TBC1D5: variants seen among roughly 807,000 people sequenced by gnomAD.
The protein encoded by TBC1D5 is TBC1 domain family member 5, also known as TBC1 domain family, member 5.
A neutral mutation model predicts 100.3 loss-of-function variants in TBC1D5; 75 were observed. That is an observed-to-expected ratio of 0.75 (90% CI 0.62 to 0.91). The LOEUF (loss-of-function observed/expected upper bound fraction) is 0.91. Ranked by LOEUF, TBC1D5 falls within the 40% of genes least tolerant of loss-of-function variation. The pLI is 0.00. For synonymous variants in TBC1D5, 323 were observed against 325.6 expected, an observed-to-expected ratio of 0.99 and a Z score of 0.09; for missense variants, 910 against 942.4, an observed-to-expected ratio of 0.97 and a Z score of 0.45.
intron 4 of TBC1D5, among the ~76,000 whole-genome samples, chr3:17,419,343 CTT>C (rs1165588490): frequency 1.3e-5 from 2 of 152,184 alleles, no homozygotes; most frequent in Non-Finnish European, 1.5e-5. Flanking sequence ...ACTTTCCTCT[CTT>C]GTCTTTAAAA....
chr3:17,709,214 T>A (rs117034289), intron 1 of TBC1D5, among the ~76,000 whole-genome samples: 2,524 of 152,308 alleles, frequency 0.017, 52 homozygotes, highest in South Asian at 0.048. Flanking sequence ...TCGAAAGAGA[T>A]CATGACTTAT....
chr3:17,586,065 G>T lies in TBC1D5; in HGVS notation c.-36+37784C>A, dbSNP rs2096730910. Reference sequence around the variant, plus strand: ...TGCTGGTGGGAAACCATTTTTAAAAGACACCCTGAAGACTCAGCTAACTGT... The same window carrying T: ...TGCTGGTGGGAAACCATTTTTAAAATACACCCTGAAGACTCAGCTAACTGT... On this transcript the variant is annotated intron_variant, in intron 2 of 21. Transcript: ENST00000253692. Among the ~76,000 whole-genome samples, 3 of 152,182 alleles carry T rather than the reference G, an allele frequency of 2.0e-5. No individual in the cohort carries two copies. In the South Asian group the frequency reaches 6.2e-4, roughly 32 times the overall value.
chr3:17,327,583 C>A (rs1290799597), intron 13 of TBC1D5, among the ~76,000 whole-genome samples: 1 of 152,182 alleles, frequency 6.6e-6, no homozygotes, highest in East Asian at 1.9e-4. Context: ...CACAAAAATA[C>A]ATGGCTTGCT....
chr3:17,627,324 T>A (rs1467273019), intron 1 of TBC1D5, among the ~76,000 whole-genome samples: 1 of 151,996 alleles, frequency 6.6e-6, no homozygotes, highest in Non-Finnish European at 1.5e-5. Flanking sequence ...GACAGAGGGA[T>A]GGAAACATAA....
At chr3:17,587,419 G>C (rs60459720) in intron 2 of TBC1D5, among the ~76,000 whole-genome samples, 7,766 of 151,958 alleles carry the variant, frequency 0.051, 636 homozygotes, top group African/African-American at 0.17. Context: ...TCAATAACAT[G>C]AAACTGAAAA....
At chr3:17,188,660 A>G (rs2069467816) in intron 18 of TBC1D5, among the ~76,000 whole-genome samples, 1 of 152,236 alleles carries the variant, frequency 6.6e-6, no homozygotes, top group Non-Finnish European at 1.5e-5. Flanking sequence ...CTTGTCATTT[A>G]TTCTTCACTA....
chr3:17,308,148 A>G lies in TBC1D5; in HGVS notation c.996-14T>C, dbSNP rs1008526113. ...CGCACCCACCTTCTGGAAAGAAACA[A>G]AACAAAAATTCAGAAGACAGTACTT... is the stretch of plus-strand genomic sequence containing the variant. On this transcript the variant is annotated splice_polypyrimidine_tract_variant and intron_variant, in intron 13 of 21. Coordinates refer to ENST00000253692, the Ensembl canonical transcript of TBC1D5. 1.3e-6 allele frequency: 2 copies of G among 1,564,824 alleles called. No homozygotes were observed.
At chr3:17,348,551 C>T (rs1002188875) in intron 13 of TBC1D5, among the ~76,000 whole-genome samples, 1 of 152,048 alleles carries the variant, frequency 6.6e-6, no homozygotes, top group African/African-American at 2.4e-5. Context: ...TTTAATTTAC[C>T]TCTCATACAA....
chr3:17,379,119 G>T, intron 9 of TBC1D5, among the ~76,000 whole-genome samples: 1 of 148,694 alleles, frequency 6.7e-6, no homozygotes, highest in Non-Finnish European at 1.5e-5. Flanking sequence ...TTATCTTGAT[G>T]ATTCTATTTT....
intron 1 of TBC1D5, among the ~76,000 whole-genome samples, chr3:17,684,676 AACT>A (rs1480042185): frequency 1.4e-4 from 22 of 152,098 alleles, no homozygotes; most frequent in Non-Finnish European, 2.1e-4. Context: ...AAGTCAAAGA[AACT>A]ACAGCTTGCA....
intron 2 of TBC1D5, among the ~76,000 whole-genome samples, chr3:17,510,473 A>C (rs2095891622): frequency 6.6e-6 from 1 of 152,038 alleles, no homozygotes; most frequent in Non-Finnish European, 1.5e-5. Context: ...CTAAAGCCAT[A>C]AATCTTAAAT....
At chr3:17,564,513 T>C (rs1293283060) in intron 2 of TBC1D5, among the ~76,000 whole-genome samples, 1 of 152,134 alleles carries the variant, frequency 6.6e-6, no homozygotes, top group Non-Finnish European at 1.5e-5. Flanking sequence ...GTGTACAAAG[T>C]GACAATGAAT....
chr3:17,716,662 G>C (rs529987206), intron 1 of TBC1D5, among the ~76,000 whole-genome samples: 2 of 152,126 alleles, frequency 1.3e-5, no homozygotes, highest in Admixed American at 6.5e-5. Flanking sequence ...AACTAGCTCA[G>C]TGTTAACAAC....
chr3:17,675,496 T>C (rs2068510544), intron 1 of TBC1D5, among the ~76,000 whole-genome samples: 2 of 152,138 alleles, frequency 1.3e-5, no homozygotes. Flanking sequence ...AAAGTGAGTA[T>C]CTCTTCAACT....
At chr3:17,439,021 C>A (rs1290527991) in intron 3 of TBC1D5, among the ~76,000 whole-genome samples, 1 of 151,824 alleles carries the variant, frequency 6.6e-6, no homozygotes, top group Non-Finnish European at 1.5e-5. Flanking sequence ...TCAAATAATA[C>A]CTATAGAATA....
chr3:17,418,886 C>T (rs934383218), intron 4 of TBC1D5, among the ~76,000 whole-genome samples: 9 of 152,172 alleles, frequency 5.9e-5, no homozygotes, highest in Non-Finnish European at 1.2e-4. Flanking sequence ...TGAGATTCCG[C>T]ATTCATGGTT....
intron 1 of TBC1D5, among the ~76,000 whole-genome samples, chr3:17,727,581 C>T (rs1431359995): frequency 2.0e-5 from 3 of 152,120 alleles, no homozygotes; most frequent in Non-Finnish European, 4.4e-5. Flanking sequence ...CACAAATCTA[C>T]ATGAAATAAA....
chr3:17,420,950 T>C (rs1228845079), intron 4 of TBC1D5, among the ~76,000 whole-genome samples: 1 of 152,184 alleles, frequency 6.6e-6, no homozygotes, highest in Non-Finnish European at 1.5e-5. Context: ...CCCTAAAGCC[T>C]GGCAACAGAT....
intron 13 of TBC1D5, among the ~76,000 whole-genome samples, chr3:17,331,146 C>T (rs2086815285): frequency 6.6e-6 from 1 of 152,148 alleles, no homozygotes; most frequent in Non-Finnish European, 1.5e-5. Context: ...CCTTTAGTGA[C>T]TTGCTACAGC....
Sources: gnomAD v4.1 joint callset for allele counts (sites outside exome capture counted in the v4.1 genomes callset) on GRCh38, gnomAD v4.1.1 for gene constraint, MANE v1.5 for transcripts, NCBI Gene and HGNC (gene_info 2026-07-23, HGNC 2026-07-21) for gene names.